The following CR1L variants were observed in gnomAD, a reference collection of about 807,000 sequenced individuals.
CR1L encodes complement component receptor 1-like protein.
CR1L carries 59 observed loss-of-function variants against 62.3 expected under a neutral mutation model. The ratio of observed to expected loss-of-function variants is 0.95; its 90% CI spans 0.77 to 1.18. The LOEUF (loss-of-function observed/expected upper bound fraction) is 1.18. CR1L is among the 50% of genes most tolerant of loss of function. The pLI, the probability that CR1L is intolerant of heterozygous loss-of-function variation, is 0.00. For missense variants in CR1L, 700 were observed against 702.8 expected (o/e 1.00, Z 0.04); for synonymous variants, 279 against 248.7 (o/e 1.12, Z -1.15).
At chr1:207,652,730 G>C in intron 1 of CR1L, 4 of 813,806 alleles carry the variant, frequency 4.9e-6, no homozygotes, top group Non-Finnish European at 8.5e-6. Flanking sequence ...GATGAGCCCT[G>C]TTATAGTAAA....
chr1:207,678,253 A>C lies in CR1L; in HGVS notation c.333A>C (p.Lys111Asn), dbSNP rs1282906889. 5.0e-6 allele frequency: 8 copies of C among 1,613,754 alleles called. No homozygotes were observed. The East Asian group carries it at 1.8e-4, about 36-fold the overall frequency. ...DPVNGMAHVI[K>N]DIQFRSQIKY... is the part of the protein sequence containing the mutation. ...TGAATGGCATGGCACATGTGATCAA[A>C]GACATCCAGTTCAGATCCCAAATTA... is the stretch of plus-strand genomic sequence containing the variant. The change falls in exon 3 of 12, where the codon AAA becomes AAC. Residue 111 changes from lysine (K) to asparagine (N), a missense_variant. Lys to Asn is a moderately conservative substitution (Grantham distance 94, BLOSUM62 0). Transcript: ENST00000508064.
chr1:207,669,156 C>A (rs1478970352), intron 1 of CR1L: 1 of 280,444 alleles, frequency 3.6e-6, no homozygotes, highest in Non-Finnish European at 6.8e-6. Flanking sequence ...GGGCCTCACA[C>A]GCGGGATCCA....
At chr1:207,685,447 A>G (rs573100856) in intron 4 of CR1L, among the ~76,000 whole-genome samples, 16 of 152,358 alleles carry the variant, frequency 1.1e-4, no homozygotes, top group Middle Eastern at 3.4e-3. Flanking sequence ...TACAAATCAA[A>G]TAACACCTTA....
intron 1 of CR1L, among the ~76,000 whole-genome samples, chr1:207,659,357 C>T (rs138229133): frequency 6.6e-6 from 1 of 152,232 alleles, no homozygotes. Context: ...GGCTTTCTGA[C>T]CTTGGGGCAG....
At chr1:207,701,690 G>C (rs757481584) in intron 9 of CR1L, 72 bp downstream of exon 9, 6 of 1,600,766 alleles carry the variant, frequency 3.7e-6, no homozygotes, top group Non-Finnish European at 5.1e-6. Context: ...CACATCTCAG[G>C]AAGGAAACTA....
intron 7 of CR1L, among the ~76,000 whole-genome samples, chr1:207,698,828 T>C (rs1246544023): frequency 6.6e-6 from 1 of 152,188 alleles, no homozygotes; most frequent in Non-Finnish European, 1.5e-5. Context: ...GCTGTTTTAC[T>C]TGCTGTTCCA....
At chr1:207,651,724 T>G (rs961425813) in intron 1 of CR1L, among the ~76,000 whole-genome samples, 3 of 152,134 alleles carry the variant, frequency 2.0e-5, no homozygotes, top group Non-Finnish European at 4.4e-5. Flanking sequence ...GTAGCTTTAT[T>G]ATAGGACATG....
rs1664120970 is a variant in CR1L, at chr1:207,697,549, G to A, written c.909G>A (p.Arg303=). Residue 303 remains arginine, a synonymous_variant, in exon 6 of 12, where the codon AGG becomes AGA. Transcript: ENST00000508064. ...PDVLHAERTQ[R]DKDNFSPGQE... is the part of the protein sequence containing the mutation. ...TCCTGCATGCTGAGCGTACCCAAAG[G>A]GACAAGGACAACTTTTCACCCGGGC... 6 of 1,613,742 alleles carry A rather than the reference G, an allele frequency of 3.7e-6. No individual in the cohort carries two copies. Among genetic ancestry groups the A allele is most frequent in the Non-Finnish European group, 5.1e-6 (6 of 1,179,730 alleles).
intron 1 of CR1L, among the ~76,000 whole-genome samples, chr1:207,646,179 C>T (rs1663122457): frequency 6.6e-6 from 1 of 152,134 alleles, no homozygotes; most frequent in Non-Finnish European, 1.5e-5. Context: ...TAGACAGTAT[C>T]TGATTCCATT....
At chr1:207,680,028 G>A (rs1663771616) in intron 3 of CR1L, among the ~76,000 whole-genome samples, 1 of 152,088 alleles carries the variant, frequency 6.6e-6, no homozygotes. Flanking sequence ...CATAACAGTA[G>A]GTACATGTCA....
chr1:207,686,075 T>C (rs113366284), intron 4 of CR1L, among the ~76,000 whole-genome samples: 6,526 of 32,460 alleles, frequency 0.2, 441 homozygotes, highest in African/African-American at 0.22. Context: ...TTCCTTCCTT[T>C]CTCCCTCCCT....
At chr1:207,672,875 T>C (rs540214688) in intron 1 of CR1L, among the ~76,000 whole-genome samples, 24 of 152,268 alleles carry the variant, frequency 1.6e-4, no homozygotes, top group South Asian at 1.5e-3. Flanking sequence ...TGATTTATAT[T>C]ATCTACTGTT....
chr1:207,684,624 A>G (rs1663867244), intron 4 of CR1L, among the ~76,000 whole-genome samples: 1 of 152,242 alleles, frequency 6.6e-6, no homozygotes, highest in Admixed American at 6.5e-5. Flanking sequence ...ATAGCTATGC[A>G]GAATGAAAAT....
In CR1L at chr1:207,677,661, A is replaced by G. The variant is rs1663719324; in HGVS notation, c.277+93A>G. The G allele has an allele frequency of 3.5e-6, 5 of 1,433,324 alleles. No homozygotes were observed. In the Admixed American group the frequency reaches 6.1e-5, roughly 18 times the overall value. The allele number at this position is 1,433,324 out of a possible 1,614,324, so 88.8% of individuals were successfully genotyped here. A position where few individuals can be genotyped will look rare whatever the true frequency, so the allele number is the denominator to read the frequency against. On this transcript the variant is annotated intron_variant, in intron 2 of 11. Transcript: ENST00000508064. ...AAATTTTGTAACTGAGTTGCATACA[A>G]CAATTAGTTTGCTAAGGTGCAATAC...
At chr1:207,657,219 G>C in intron 1 of CR1L, 1 of 1,394,534 alleles carries the variant, frequency 7.2e-7, no homozygotes, top group East Asian at 2.3e-5. Flanking sequence ...ACTGATAGTT[G>C]TGATCCTGCA....
chr1:207,656,765 C>T (rs1165409336), intron 1 of CR1L, among the ~76,000 whole-genome samples: 1 of 152,244 alleles, frequency 6.6e-6, no homozygotes, highest in African/African-American at 2.4e-5. Context: ...ACCAAGGGGA[C>T]GGTGCTAAAC....
At chr1:207,670,083 C>G (rs755739125) in intron 1 of CR1L, among the ~76,000 whole-genome samples, 1 of 151,092 alleles carries the variant, frequency 6.6e-6, no homozygotes, top group Non-Finnish European at 1.5e-5. Context: ...GTATCTAACA[C>G]AGGGCCTGTC....
chr1:207,694,615 T>G lies in CR1L; in HGVS notation c.726T>G (p.Ser242=), dbSNP rs1275864175. The G allele has an allele frequency of 3.1e-6, 5 of 1,611,926 alleles. No homozygotes were observed. The highest frequency in any genetic ancestry group is 3.4e-6 in the Non-Finnish European group (4 of 1,179,736). ...ATGTGGAAAATGGAATATTGGTATC[T>G]GACAACAGAAGCTTATTTTCCTTAA... is the stretch of plus-strand genomic sequence containing the variant. The part of the protein sequence containing the change: ...PPNVENGILV[S]DNRSLFSLNE... The change falls in exon 5 of 12, where the codon TCT becomes TCG. Residue 242 remains serine, a synonymous_variant. Coordinates refer to ENST00000508064, the MANE Select transcript of CR1L (RefSeq NM_175710.2).
chr1:207,715,540 G>T (rs1023713364), intron 10 of CR1L: 9 of 465,752 alleles, frequency 1.9e-5, no homozygotes, highest in Non-Finnish European at 3.6e-5. Context: ...TTTCAAGAAG[G>T]GTCTTGTAGG....
Sources: allele counts gnomAD v4.1 joint callset (sites outside exome capture counted in the v4.1 genomes callset), GRCh38; gene constraint gnomAD v4.1.1; transcripts MANE v1.5; gene names NCBI Gene and HGNC (gene_info 2026-07-23, HGNC 2026-07-21).